DNAH10: variants seen among roughly 807,000 people sequenced by gnomAD.
The protein encoded by DNAH10 is axonemal beta dynein heavy chain 10.
Under a neutral mutation model 506.6 loss-of-function variants are expected in DNAH10, and 348 were observed. The observed-to-expected ratio is 0.69, with a 90% CI of 0.63 to 0.75. DNAH10 has a LOEUF of 0.75. DNAH10 is among the 30% of genes least tolerant of loss of function. The probability of loss-of-function intolerance (pLI) is 0.00; values close to 1 mark genes in which losing one functional copy is unlikely to be tolerated. For missense variants in DNAH10, 5,179 were observed against 5,787.1 expected (o/e 0.89, Z 3.41); for synonymous variants, 2,059 against 2,198.6 (o/e 0.94, Z 1.78).
In DNAH10 at chr12:123,898,813, A is replaced by G; in HGVS notation, c.9639A>G (p.Val3213=). The G allele has an allele frequency of 6.2e-7, 1 of 1,604,898 alleles. No individual in the cohort carries two copies. The highest frequency in any genetic ancestry group is 8.5e-7 in the Non-Finnish European group (1 of 1,174,850). The change falls in exon 56 of 79, where the codon GTA becomes GTG. Residue 3213 remains valine (V), a splice_region_variant and synonymous_variant. Coordinates refer to ENST00000673944, the MANE Select transcript of DNAH10 (RefSeq NM_001372106.1). The part of the protein sequence containing the change: ...LLEEIAVNTA[V]AEEKKKLAEE... ...AGGAGATCGCCGTCAACACCGCTGT[A>G]GGTGAGTGAGGGCGGGGCCAGGGCA...
intron 25 of DNAH10, among the ~76,000 whole-genome samples, chr12:123,828,875 C>T (rs757901835): frequency 6.6e-5 from 10 of 152,110 alleles, no homozygotes; most frequent in Non-Finnish European, 1.2e-4. Flanking sequence ...ACTTTCCCTT[C>T]GATGTAATTT....
At position 123,926,466 on chromosome 12, in the gene DNAH10, G is replaced by C. The variant is rs1055588637; in HGVS notation, c.11922-171G>C. On this transcript the variant is annotated intron_variant, in intron 68 of 78. Transcript: ENST00000673944. The surrounding 1 kb of genome is among the most constrained non-coding windows in gnomAD (Gnocchi z 4.1). ...ACTCAGGAGTTCCCCATCAGGGTGG[G>C]AGACGTGCATAGAAACTAGAATCTA... 2 of 652,604 alleles carry C rather than the reference G, an allele frequency of 3.1e-6. No individual in the cohort carries two copies. The highest frequency in any genetic ancestry group is 5.0e-6 in the Non-Finnish European group (2 of 401,398). The allele number at this position is 652,604 out of a possible 1,614,324, so 40.4% of individuals were successfully genotyped here. A position where few individuals can be genotyped will look rare whatever the true frequency, so the allele number is the denominator to read the frequency against.
At chr12:123,803,604 G>T in intron 16 of DNAH10, 57 bp from the exon 17 acceptor site, 1 of 1,434,292 alleles carries the variant, frequency 7.0e-7, no homozygotes. Flanking sequence ...GTTGGTGGGG[G>T]GATGTGGAAA....
In DNAH10 at chr12:123,864,840, G is replaced by C. The variant is rs983469102; in HGVS notation, c.7044+110G>C. 2.3e-6 allele frequency: 3 copies of C among 1,311,352 alleles called. No individual in the cohort carries two copies. In the African/African-American group the frequency reaches 4.5e-5, roughly 20 times the overall value. 81.2% of individuals were successfully genotyped at this position (1,311,352 alleles called of 1,614,324 possible). ...AGATGATTATTTAAAAACAAACAAT[G>C]CATAAGGGTTTATAATGAATACAAC... is the stretch of plus-strand genomic sequence containing the variant. On this transcript the variant is annotated intron_variant, in intron 40 of 78. Coordinates refer to ENST00000673944, the MANE Select transcript of DNAH10 (RefSeq NM_001372106.1).
intron 28 of DNAH10, among the ~76,000 whole-genome samples, chr12:123,837,073 A>C (rs372015885): frequency 8.0e-5 from 12 of 150,896 alleles, no homozygotes; most frequent in East Asian, 3.9e-4. Context: ...GGATGGTCTC[A>C]ATCTCCTGAC....
chr12:123,834,781 T>A (rs1960958061), intron 27 of DNAH10, among the ~76,000 whole-genome samples: 2 of 152,328 alleles, frequency 1.3e-5, no homozygotes, highest in Middle Eastern at 6.8e-3. Flanking sequence ...CAATATATGA[T>A]CCTTTACGTC....
At chr12:123,892,569 A>T (rs1368243869) in intron 52 of DNAH10, among the ~76,000 whole-genome samples, 1 of 152,300 alleles carries the variant, frequency 6.6e-6, no homozygotes. Context: ...ATCGGGGAGG[A>T]AGCTCTTAAG....
intron 76 of DNAH10, 141 bp downstream of exon 76, chr12:123,932,249 T>C (rs1955249236): frequency 1.9e-6 from 2 of 1,033,370 alleles, no homozygotes; most frequent in East Asian, 5.1e-5. Flanking sequence ...TGGTCTGAGA[T>C]TCTTACAAGC....
intron 77 of DNAH10, chr12:123,934,124 C>T (rs1311172616): frequency 1.6e-6 from 1 of 633,654 alleles, no homozygotes; most frequent in East Asian, 2.8e-5. Flanking sequence ...GTGTCCGGGC[C>T]ACCACTCTCT....
chr12:123,823,135 A>T (rs141927783), intron 24 of DNAH10, among the ~76,000 whole-genome samples: 62 of 152,322 alleles, frequency 4.1e-4, no homozygotes, highest in Non-Finnish European at 6.5e-4. Flanking sequence ...CCTGGGAGTG[A>T]GGCTCAGAAC....
intron 28 of DNAH10, among the ~76,000 whole-genome samples, chr12:123,836,298 TA>T (rs1359059671): frequency 6.6e-6 from 1 of 152,268 alleles, no homozygotes; most frequent in Admixed American, 6.5e-5. Context: ...CATGGCTCTC[TA>T]TATTCCAGGG....
At chr12:123,890,988 G>A (rs1253689149) in intron 52 of DNAH10, among the ~76,000 whole-genome samples, 1 of 152,148 alleles carries the variant, frequency 6.6e-6, no homozygotes, top group Non-Finnish European at 1.5e-5. Flanking sequence ...TGCTGGGGCT[G>A]CCGTCACAAA....
At chr12:123,769,689 G>A (rs566981658) in intron 2 of DNAH10, among the ~76,000 whole-genome samples, 4 of 152,050 alleles carry the variant, frequency 2.6e-5, no homozygotes, top group Non-Finnish European at 5.9e-5. Context: ...TTCTTTTTAT[G>A]GTGGTAAAAT....
At chr12:123,918,552 A>G in intron 64 of DNAH10, 124 bp from the exon 65 acceptor site, 1 of 1,225,182 alleles carries the variant, frequency 8.2e-7, no homozygotes, top group Non-Finnish European at 1.1e-6. Context: ...GCTCCCCTGC[A>G]GTCCCTGGAT....
At chr12:123,799,123 AT>A in intron 13 of DNAH10, 122 bp from the exon 14 acceptor site, 1 of 598,522 alleles carries the variant, frequency 1.7e-6, no homozygotes, top group African/African-American at 2.0e-5. Flanking sequence ...AAAAAAAAAA[AT>A]TATATAATGT....
chr12:123,873,134 A>T (rs999481228), intron 45 of DNAH10, among the ~76,000 whole-genome samples: 1 of 152,240 alleles, frequency 6.6e-6, no homozygotes, highest in African/African-American at 2.4e-5. Flanking sequence ...TGTCATATTG[A>T]AAATACTGTT....
chr12:123,829,507 G>C (rs1419788671), intron 25 of DNAH10, among the ~76,000 whole-genome samples: 2 of 152,158 alleles, frequency 1.3e-5, no homozygotes, highest in Admixed American at 6.5e-5. Context: ...AAGTTTCAGC[G>C]TTCAGTGGTG....
At chr12:123,890,157 G>A (rs1476463699) in intron 52 of DNAH10, among the ~76,000 whole-genome samples, 1 of 152,224 alleles carries the variant, frequency 6.6e-6, no homozygotes, top group African/African-American at 2.4e-5. Context: ...GGATCAGGAC[G>A]AGGTGGAGGG....
chr12:123,788,142 G>T, intron 10 of DNAH10, 140 bp downstream of exon 10: 1 of 963,532 alleles, frequency 1.0e-6, no homozygotes, highest in Non-Finnish European at 1.6e-6. Context: ...AGAACCTACG[G>T]AATATACTAG....
Sources: allele counts gnomAD v4.1 joint callset (sites outside exome capture counted in the v4.1 genomes callset), GRCh38; gene constraint gnomAD v4.1.1; non-coding constraint Gnocchi (gnomAD v3.1); transcripts MANE v1.5; gene names NCBI Gene and HGNC (gene_info 2026-07-23, HGNC 2026-07-21).